Variants in C11orf58 observed in about 807,000 individuals in gnomAD.
The protein encoded by C11orf58 is small acidic protein.
Under a neutral mutation model 22.7 loss-of-function variants are expected in C11orf58, and 5 were observed. The observed-to-expected ratio is 0.22, with a 90% CI of 0.12 to 0.46. The LOEUF (loss-of-function observed/expected upper bound fraction) is 0.46, where lower values mean the gene tolerates loss of function less well. C11orf58 is among the 20% of genes least tolerant of loss of function. C11orf58 has a pLI of 0.99. For missense variants in C11orf58, 151 were observed against 223.3 expected (o/e 0.68, Z 2.06); for synonymous variants, 71 against 70.7 (o/e 1.00, Z -0.02).
rs1433157685 is a variant in C11orf58 at position 16,756,657 on chromosome 11, C to T, written c.*1553C>T. ...TGTGCGGTGGCTCACACCTATAATC[C>T]CAGCACTTTGGGAGGCCGAGGTGGC... is the stretch of plus-strand genomic sequence containing the variant. On this transcript the variant is annotated 3_prime_UTR_variant, in exon 5 of 5. Transcript: ENST00000228136. Among the ~76,000 whole-genome samples the T allele has an allele frequency of 6.6e-6, 1 of 151,234 alleles. No individual in the cohort carries two copies. The highest frequency in any genetic ancestry group is 1.5e-5 in the Non-Finnish European group (1 of 67,800).
Position 16,738,787 on chromosome 11 carries a change from T to C in C11orf58, c.9T>C (p.Ala3=), listed in dbSNP as rs1848417549. MS[A]ARESHPHGVK... is the part of the protein sequence containing the mutation. ...TCGGGATCCCCGCAAGGATGAGTGCTGCCAGAGAGTCTCACCCGCATGGGG... is the reference window on the plus strand; with the variant it reads ...TCGGGATCCCCGCAAGGATGAGTGCCGCCAGAGAGTCTCACCCGCATGGGG... The change falls in exon 1 of 5, where the codon GCT becomes GCC. Residue 3 remains alanine, a synonymous_variant. Coordinates refer to ENST00000228136, the MANE Select transcript of C11orf58 (RefSeq NM_014267.6). 1.2e-6 allele frequency: 2 copies of C among 1,613,732 alleles called. No homozygotes were observed. Among genetic ancestry groups the C allele is most frequent in the South Asian group, 2.2e-5 (2 of 91,076 alleles).
rs1415714902 is a variant in C11orf58, at chr11:16,755,186, C to G, written c.*82C>G. On this transcript the variant is annotated 3_prime_UTR_variant, in exon 5 of 5. Coordinates refer to ENST00000228136, the MANE Select transcript of C11orf58 (RefSeq NM_014267.6). ...GGAGGACTGCTTATAGAGCACAGAC[C>G]TTTGTATTATAATTTTTAAAAAGGC... 1 of 1,444,994 alleles carries G rather than the reference C, an allele frequency of 6.9e-7. No individual in the cohort carries two copies. The highest frequency in any genetic ancestry group is 1.4e-5 in the African/African-American group (1 of 69,980). 89.5% of individuals were successfully genotyped at this position (1,444,994 alleles called of 1,614,324 possible).
At chr11:16,750,807 A>T (rs752141977) in intron 3 of C11orf58, 2 of 152,498 alleles carry the variant, frequency 1.3e-5, no homozygotes, top group Admixed American at 6.5e-5. Context: ...GTCATTTTGT[A>T]TCGATATATG....
chr11:16,741,150 T>G (rs967071313), intron 1 of C11orf58, among the ~76,000 whole-genome samples: 1 of 151,806 alleles, frequency 6.6e-6, no homozygotes, highest in Non-Finnish European at 1.5e-5. Flanking sequence ...CAGTTTCTAA[T>G]GAGCATCCAC....
intron 2 of C11orf58, chr11:16,747,617 TAAG>T (rs1440472567): frequency 1.3e-5 from 2 of 152,554 alleles, no homozygotes; most frequent in Non-Finnish European, 1.5e-5. Context: ...TATACTGTAA[TAAG>T]ATCTATCACT....
chr11:16,749,269 T>C (rs1272360683), intron 3 of C11orf58: 1 of 151,932 alleles, frequency 6.6e-6, no homozygotes, highest in East Asian at 1.9e-4. Context: ...AACAAAACTT[T>C]AAGTTATTTA....
intron 2 of C11orf58, 87 bp downstream of exon 2, chr11:16,744,771 T>G: frequency 8.3e-7 from 1 of 1,200,768 alleles, no homozygotes; most frequent in East Asian, 2.5e-5. Flanking sequence ...CTGAATATAC[T>G]TGGATTCCAT....
At chr11:16,750,732 T>G (rs1274871965) in intron 3 of C11orf58, 4 of 154,170 alleles carry the variant, frequency 2.6e-5, no homozygotes, top group Non-Finnish European at 5.9e-5. Flanking sequence ...CACTTTTGCT[T>G]TCAACCAACA....
intron 3 of C11orf58, chr11:16,751,825 C>T (rs1008442874): frequency 6.6e-6 from 1 of 152,188 alleles, no homozygotes; most frequent in Non-Finnish European, 1.5e-5. Context: ...GTGAATAAGC[C>T]AGGTGAATCG....
In C11orf58 at chr11:16,754,792, C is replaced by T. The variant is rs1012915149; in HGVS notation, c.319-79C>T. The T allele has an allele frequency of 4.4e-5, 69 of 1,567,270 alleles. 1 individual carries two copies. The highest frequency in any genetic ancestry group is 4.2e-4 in the South Asian group (34 of 81,478). On this transcript the variant is annotated intron_variant, in intron 4 of 4. Coordinates refer to ENST00000228136, the MANE Select transcript of C11orf58 (RefSeq NM_014267.6). The stretch of plus-strand genomic sequence containing the variant: ...CTACAAAGTAGAGTGTTTCTAAGAC[C>T]GACAGAACTTACGGTCTTTCTCAGA...
At chr11:16,747,078 A>C (rs1848492959) in intron 2 of C11orf58, 1 of 152,240 alleles carries the variant, frequency 6.6e-6, no homozygotes, top group East Asian at 1.9e-4. Flanking sequence ...AGGAAGAACC[A>C]GCTAAGAACA....
At chr11:16,741,094 T>TAAAAA in intron 1 of C11orf58, among the ~76,000 whole-genome samples, 1 of 139,108 alleles carries the variant, frequency 7.2e-6, no homozygotes, top group East Asian at 2.1e-4. Context: ...AGACTCTGTT[T>TAAAAA]AAAAAAAAAA....
At chr11:16,745,223 T>A (rs1160796066) in intron 2 of C11orf58, among the ~76,000 whole-genome samples, 3 of 152,180 alleles carry the variant, frequency 2.0e-5, no homozygotes, top group African/African-American at 2.4e-5. Context: ...ACCTTAATTT[T>A]AAAAATGTTC....
chr11:16,747,241 G>A (rs2134071099), intron 2 of C11orf58: 1 of 152,310 alleles, frequency 6.6e-6, no homozygotes, highest in Middle Eastern at 3.4e-3. Context: ...AAAGCAATGA[G>A]CATTAACACT....
At chr11:16,740,546 C>T (rs1848438947) in intron 1 of C11orf58, among the ~76,000 whole-genome samples, 2 of 151,918 alleles carry the variant, frequency 1.3e-5, no homozygotes, top group Admixed American at 6.6e-5. Flanking sequence ...ACCACCACTA[C>T]AGTAGCTCGG....
Position 16,755,657 on chromosome 11 carries a change from G to C in C11orf58, c.*553G>C, listed in dbSNP as rs1434886426. On this transcript the variant is annotated 3_prime_UTR_variant, in exon 5 of 5. Coordinates refer to ENST00000228136, the MANE Select transcript of C11orf58 (RefSeq NM_014267.6). ...AGCAAGTACTTTTCACACTTGTTAA[G>C]ATGGAGTTATAACTGTCATACATTT... The C allele has an allele frequency of 2.6e-5, 4 of 152,726 alleles. No individual in the cohort carries two copies. The highest frequency in any genetic ancestry group is 9.7e-5 in the African/African-American group (4 of 41,444). The allele number at this position is 152,726 out of a possible 1,614,324, so 9.5% of individuals were successfully genotyped here.
At position 16,757,579 on chromosome 11, in the gene C11orf58, G is replaced by A. The variant is rs1245912142; in HGVS notation, c.*2475G>A. ...TTTAAATCAAATTGGAAAAAAATTA[G>A]ACAACTGATGTCATGCTGTCTTGGT... On this transcript the variant is annotated 3_prime_UTR_variant, in exon 5 of 5. Coordinates refer to ENST00000228136, the MANE Select transcript of C11orf58 (RefSeq NM_014267.6). Among the ~76,000 whole-genome samples the A allele has an allele frequency of 6.6e-6, 1 of 152,122 alleles. No homozygotes were observed. Among genetic ancestry groups the A allele is most frequent in the African/African-American group, 2.4e-5 (1 of 41,416 alleles).
At chr11:16,741,252 A>G (rs1035300674) in intron 1 of C11orf58, among the ~76,000 whole-genome samples, 2 of 152,198 alleles carry the variant, frequency 1.3e-5, no homozygotes, top group African/African-American at 4.8e-5. Flanking sequence ...AAAAGTAGAT[A>G]CTAAATCACA....
In C11orf58 at chr11:16,754,859, T is replaced by C. The variant is rs1848563175; in HGVS notation, c.319-12T>C. The C allele has an allele frequency of 6.2e-7, 1 of 1,610,764 alleles. No individual in the cohort carries two copies. Among genetic ancestry groups the C allele is most frequent in the Non-Finnish European group, 8.5e-7 (1 of 1,178,838 alleles). On this transcript the variant is annotated splice_polypyrimidine_tract_variant and intron_variant, in intron 4 of 4. Transcript: ENST00000228136. ...GTTTATTTTTAAAAGAGCCTGTTGA[T>C]TGATGTTTTAGGTAGAAGACCATGA...
Sources: allele counts gnomAD v4.1 joint callset (sites outside exome capture counted in the v4.1 genomes callset), GRCh38; gene constraint gnomAD v4.1.1; transcripts MANE v1.5; gene names NCBI Gene and HGNC (gene_info 2026-07-23, HGNC 2026-07-21).